Variants in ATP13A4 observed in about 807,000 individuals in gnomAD.
The protein encoded by ATP13A4 is probable cation-transporting ATPase 13A4.
ATP13A4 carries 114 observed loss-of-function variants against 142.5 expected under a neutral mutation model. That is an observed-to-expected ratio of 0.80 (90% CI 0.69 to 0.93). The LOEUF (loss-of-function observed/expected upper bound fraction) is 0.93, where lower values mean the gene tolerates loss of function less well. ATP13A4 is among the 40% of genes least tolerant of loss of function. The pLI is 0.00. For synonymous variants in ATP13A4, 488 were observed against 514.8 expected (o/e 0.95, Z 0.70); for missense variants, 1,392 against 1,454.0 (o/e 0.96, Z 0.69).
chr3:193,482,848 GT>G (rs1719372068), intron 8 of ATP13A4, among the ~76,000 whole-genome samples: 1 of 152,188 alleles, frequency 6.6e-6, no homozygotes, highest in Non-Finnish European at 1.5e-5. Context: ...TTCTTAAAAT[GT>G]TAAATATCTA....
At chr3:193,465,237 G>C (rs1043781613) in intron 11 of ATP13A4, 109 bp from the exon 12 acceptor site, 2 of 1,181,512 alleles carry the variant, frequency 1.7e-6, no homozygotes, top group Non-Finnish European at 2.4e-6. Context: ...GCCCAGGCTG[G>C]AATACAGTGG....
At position 193,417,849 on chromosome 3, in the gene ATP13A4, G is replaced by A. The variant is rs6784070; in HGVS notation, c.2843-3099C>T. 5.8e-3 allele frequency among the ~76,000 whole-genome samples: 857 copies of A among 148,962 alleles called. 53 individuals are homozygous for A. The highest frequency in any genetic ancestry group is 0.02 in the African/African-American group (793 of 40,342). ...AAATACAAAAAATTAGCGGCCGGGC[G>A]CGGTGGCTCACGCCTGTAATCCCAG... On this transcript the variant is annotated intron_variant, in intron 25 of 29. Transcript: ENST00000342695.
At chr3:193,580,631 A>G (rs1166834866) in intron 2 of ATP13A4, among the ~76,000 whole-genome samples, 3 of 152,160 alleles carry the variant, frequency 2.0e-5, no homozygotes, top group South Asian at 2.1e-4. Flanking sequence ...AATAGAATGA[A>G]GGTAGGGATT....
chr3:193,441,668 A>G, intron 19 of ATP13A4, 80 bp from the exon 20 acceptor site: 2 of 1,516,920 alleles, frequency 1.3e-6, no homozygotes, highest in Admixed American at 1.7e-5. Flanking sequence ...GAGAGAAGTT[A>G]ATGAAGACAG....
rs191155221 is a variant in ATP13A4, at chr3:193,399,819, C to T, written c.*2833G>A. On this transcript the variant is annotated 3_prime_UTR_variant, in exon 30 of 30. Coordinates refer to ENST00000342695, the MANE Select transcript of ATP13A4 (RefSeq NM_032279.4). ...CGAGATTGTGCCACTGCACTCTAGC[C>T]TGGGCAACAGAGTGAGACTCCATCT... Among the ~76,000 whole-genome samples, 1 of 119,102 alleles carries T rather than the reference C, an allele frequency of 8.4e-6. No individual in the cohort carries two copies. Among genetic ancestry groups the T allele is most frequent in the Non-Finnish European group, 1.6e-5 (1 of 62,360 alleles). 78.1% of individuals were successfully genotyped at this position (119,102 alleles called of 152,430 possible).
In ATP13A4 at chr3:193,585,170, C is replaced by A. The variant is rs569586017; in HGVS notation, n.92-3264G>T. Among the ~76,000 whole-genome samples the A allele has an allele frequency of 2.0e-5, 3 of 152,318 alleles. No homozygotes were observed. The East Asian group carries it at 5.8e-4, about 29-fold the overall frequency. ...CGGTGGCTCACCCCTGTAATCCCAG[C>A]ACTTTGGGAGGCAAAGGTTCGTGGC... On this transcript the variant is annotated intron_variant and non_coding_transcript_variant, in intron 1 of 3. Transcript: ENST00000489140.
intron 1 of ATP13A4, among the ~76,000 whole-genome samples, chr3:193,527,677 C>A (rs567798022): frequency 6.6e-6 from 1 of 151,950 alleles, no homozygotes; most frequent in South Asian, 2.1e-4. Context: ...TAAGACATGC[C>A]TTGCTTCTCC....
Position 193,467,464 on chromosome 3 carries a change from T to C in ATP13A4, c.966A>G (p.Lys322=). The change falls in exon 10 of 30, where the codon AAA becomes AAG. Residue 322 remains lysine (K), a synonymous_variant. Coordinates refer to ENST00000342695, the MANE Select transcript of ATP13A4 (RefSeq NM_032279.4). ...AGCTATCCATCTTGGGTAACGGAGT[T>C]TTGGTGACTGGAATACTTTCTCCTA... The part of the protein sequence containing the change: ...MLTGESIPVT[K]TPLPKMDSSV... The C allele has an allele frequency of 6.2e-7, 1 of 1,613,650 alleles. No homozygotes were observed. Among genetic ancestry groups the C allele is most frequent in the South Asian group, 1.1e-5 (1 of 91,048 alleles).
intron 8 of ATP13A4, among the ~76,000 whole-genome samples, chr3:193,472,432 A>G (rs1718679854): frequency 6.6e-6 from 1 of 152,212 alleles, no homozygotes; most frequent in South Asian, 2.1e-4. Flanking sequence ...CAAGAGTAGT[A>G]ATGCTCGCAA....
chr3:193,502,468 C>G, intron 3 of ATP13A4, 25 bp downstream of exon 3: 1 of 1,610,378 alleles, frequency 6.2e-7, no homozygotes, highest in Non-Finnish European at 8.5e-7. Flanking sequence ...TCTCTGACAT[C>G]AGCAGTAGCC....
chr3:193,425,739 A>G (rs1715627522), intron 25 of ATP13A4, among the ~76,000 whole-genome samples: 1 of 151,752 alleles, frequency 6.6e-6, no homozygotes, highest in Non-Finnish European at 1.5e-5. Flanking sequence ...GGGGATGGAG[A>G]GAAGGTTGTC....
chr3:193,444,544 T>C (rs543778118), intron 18 of ATP13A4, among the ~76,000 whole-genome samples: 1 of 152,316 alleles, frequency 6.6e-6, no homozygotes, highest in South Asian at 2.1e-4. Flanking sequence ...TGGGTAAATA[T>C]AAAAGTCTAA....
intron 28 of ATP13A4, among the ~76,000 whole-genome samples, chr3:193,410,611 C>T (rs530622893): frequency 2.6e-5 from 4 of 152,124 alleles, no homozygotes; most frequent in East Asian, 3.9e-4. Flanking sequence ...CCTAGCTACT[C>T]GGGAGGCTGA....
chr3:193,402,761 T>G lies in ATP13A4; in HGVS notation c.3482A>C (p.Asp1161Ala). ...YRIWQRDLANDPSWPPLNQTS... is the reference protein window; with the variant it reads ...YRIWQRDLANAPSWPPLNQTS... Reference sequence around the variant, plus strand: ...TTGGTTTAGCGGGGGCCAACTAGGGTCATTTGCCAAGTCCCTCTGCCATAT... The same window carrying G: ...TTGGTTTAGCGGGGGCCAACTAGGGGCATTTGCCAAGTCCCTCTGCCATAT... Residue 1161 changes from aspartate to alanine, a missense_variant, in exon 30 of 30, where the codon GAC becomes GCC. By Grantham distance (126) the Asp-to-Ala change is moderately radical. Transcript: ENST00000342695. 2 of 1,613,802 alleles carry G rather than the reference T, an allele frequency of 1.2e-6. No homozygotes were observed. Among genetic ancestry groups the G allele is most frequent in the Non-Finnish European group, 1.7e-6 (2 of 1,179,724 alleles).
chr3:193,580,015 T>C (rs1724499219), intron 2 of ATP13A4, among the ~76,000 whole-genome samples: 1 of 152,188 alleles, frequency 6.6e-6, no homozygotes. Flanking sequence ...TTTCTGCTTG[T>C]CTAAATCTCA....
At chr3:193,586,460 T>C (rs1353293140) in intron 1 of ATP13A4, among the ~76,000 whole-genome samples, 1 of 152,260 alleles carries the variant, frequency 6.6e-6, no homozygotes, top group East Asian at 1.9e-4. Context: ...TAGTGTTTAC[T>C]TGTACATTTA....
intron 26 of ATP13A4, 114 bp downstream of exon 26, chr3:193,414,465 A>G: frequency 7.6e-7 from 1 of 1,310,684 alleles, no homozygotes; most frequent in Non-Finnish European, 1.1e-6. Flanking sequence ...AAGGGACTTT[A>G]AAAAGCCAAA....
intron 3 of ATP13A4, among the ~76,000 whole-genome samples, chr3:193,493,908 G>T (rs187540888): frequency 2.2e-3 from 342 of 152,046 alleles, no homozygotes; most frequent in Admixed American, 3.1e-3. Flanking sequence ...CATTTAACTA[G>T]TAATAACATA....
intron 1 of ATP13A4, among the ~76,000 whole-genome samples, chr3:193,518,283 A>G (rs1038594923): frequency 2.0e-5 from 3 of 152,258 alleles, no homozygotes; most frequent in African/African-American, 7.2e-5. Flanking sequence ...CTTCAAATGT[A>G]TGAGCTCCAG....
Sources: gnomAD v4.1 joint callset for allele counts (sites outside exome capture counted in the v4.1 genomes callset) on GRCh38, gnomAD v4.1.1 for gene constraint, MANE v1.5 for transcripts, NCBI Gene and HGNC (gene_info 2026-07-23, HGNC 2026-07-21) for gene names.